The following GABRB2 variants were observed in gnomAD, a reference collection of about 807,000 sequenced individuals.
GABRB2 encodes gamma-aminobutyric acid receptor subunit beta-2.
GABRB2 carries 16 observed loss-of-function variants against 54.7 expected under a neutral mutation model. The observed-to-expected ratio is 0.29, with a 90% CI of 0.20 to 0.44. The LOEUF (loss-of-function observed/expected upper bound fraction) is 0.44, where lower values mean the gene tolerates loss of function less well. GABRB2 is among the 20% of genes least tolerant of loss of function. GABRB2 has a pLI of 1.00. For synonymous variants in GABRB2, 244 were observed against 233.8 expected (o/e 1.04, Z -0.40); for missense variants, 355 against 644.0 (o/e 0.55, Z 4.86).
At chr5:161,373,700 C>T (rs937235532) in intron 5 of GABRB2, among the ~76,000 whole-genome samples, 1 of 152,218 alleles carries the variant, frequency 6.6e-6, no homozygotes, top group East Asian at 1.9e-4. Flanking sequence ...ATTCCCAGCT[C>T]TAGCCTCTGT....
chr5:161,526,165 T>C (rs1241745013), intron 3 of GABRB2, among the ~76,000 whole-genome samples: 1 of 151,442 alleles, frequency 6.6e-6, no homozygotes, highest in East Asian at 1.9e-4. Flanking sequence ...TTGAACTTCA[T>C]GCACAACTAA....
intron 4 of GABRB2, among the ~76,000 whole-genome samples, chr5:161,456,896 A>G (rs140564036): frequency 6.6e-6 from 1 of 152,346 alleles, no homozygotes; most frequent in African/African-American, 2.4e-5. Context: ...AAAGTATTGT[A>G]GAATCAACTG....
chr5:161,521,298 T>C (rs1254223566), intron 3 of GABRB2, among the ~76,000 whole-genome samples: 2 of 151,970 alleles, frequency 1.3e-5, no homozygotes, highest in Non-Finnish European at 2.9e-5. Context: ...TTTTGTTACC[T>C]TGATTATACT....
chr5:161,482,332 G>T (rs192870675), intron 3 of GABRB2, among the ~76,000 whole-genome samples: 12 of 152,176 alleles, frequency 7.9e-5, no homozygotes, highest in African/African-American at 2.9e-4. Flanking sequence ...GTTTCATGTA[G>T]TAGGGGTGAT....
chr5:161,314,154 C>CT (rs1757957473), intron 9 of GABRB2, among the ~76,000 whole-genome samples: 1 of 152,232 alleles, frequency 6.6e-6, no homozygotes, highest in South Asian at 2.1e-4. Flanking sequence ...CTGAAATCCT[C>CT]TGTCACATGT....
intron 3 of GABRB2, among the ~76,000 whole-genome samples, chr5:161,540,838 CATTATT>C (rs573332908): frequency 2.0e-4 from 31 of 151,382 alleles, no homozygotes; most frequent in Non-Finnish European, 2.5e-4. Flanking sequence ...ATTGTAATCT[CATTATT>C]ATTATTATTA....
At chr5:161,362,390 T>C (rs1351448623) in intron 5 of GABRB2, among the ~76,000 whole-genome samples, 1 of 152,212 alleles carries the variant, frequency 6.6e-6, no homozygotes, top group Non-Finnish European at 1.5e-5. Flanking sequence ...TTTCATGATA[T>C]TGATTCTTCC....
intron 5 of GABRB2, among the ~76,000 whole-genome samples, chr5:161,363,535 T>A (rs1010692391): frequency 6.9e-6 from 1 of 145,104 alleles, no homozygotes; most frequent in Non-Finnish European, 1.6e-5. Flanking sequence ...AATAAAAAAA[T>A]TAATTTTTTT....
chr5:161,418,640 C>A (rs1177331789), intron 4 of GABRB2, among the ~76,000 whole-genome samples: 1 of 152,030 alleles, frequency 6.6e-6, no homozygotes, highest in African/African-American at 2.4e-5. Flanking sequence ...CAAAAATAGA[C>A]AAATGGGATT....
intron 7 of GABRB2, among the ~76,000 whole-genome samples, chr5:161,332,121 G>C (rs2617505): frequency 0.14 from 20,438 of 141,026 alleles, 1,524 homozygotes; most frequent in Non-Finnish European, 0.17. Context: ...AGCCGAGATT[G>C]CGCCACTGCA....
chr5:161,544,394 T>C (rs1039056798), intron 3 of GABRB2, among the ~76,000 whole-genome samples: 1 of 152,038 alleles, frequency 6.6e-6, no homozygotes, highest in South Asian at 2.1e-4. Context: ...CCCAAGTATG[T>C]GGGGGCGTCT....
intron 3 of GABRB2, among the ~76,000 whole-genome samples, chr5:161,515,497 AG>A (rs1759913262): frequency 6.6e-6 from 1 of 152,066 alleles, no homozygotes; most frequent in Non-Finnish European, 1.5e-5. Flanking sequence ...CACTTTAATT[AG>A]CTAAAAAGAA....
intron 9 of GABRB2, among the ~76,000 whole-genome samples, chr5:161,319,473 T>C (rs1432091862): frequency 6.7e-6 from 1 of 149,366 alleles, no homozygotes; most frequent in East Asian, 1.9e-4. Flanking sequence ...CTCATCTATA[T>C]GGAAAATGTT....
intron 3 of GABRB2, among the ~76,000 whole-genome samples, chr5:161,510,049 C>A (rs540390084): frequency 1.3e-5 from 2 of 151,816 alleles, no homozygotes; most frequent in African/African-American, 4.8e-5. Flanking sequence ...TGTTTTGATA[C>A]AGGCATGCAA....
chr5:161,349,262 C>A (rs1016579867), intron 5 of GABRB2, among the ~76,000 whole-genome samples: 11 of 151,520 alleles, frequency 7.3e-5, no homozygotes, highest in African/African-American at 1.5e-4. Context: ...TAAAAAAAAA[C>A]CCAAAACAAA....
intron 5 of GABRB2, among the ~76,000 whole-genome samples, chr5:161,392,643 G>C (rs143607155): frequency 5.3e-5 from 8 of 152,262 alleles, no homozygotes; most frequent in Non-Finnish European, 1.0e-4. Context: ...TGTCATTACT[G>C]ATAGTACTTT....
rs115337249 is a variant in GABRB2 at position 161,522,190 on chromosome 5, C to T, written c.237+23037G>A. 2.8e-3 allele frequency among the ~76,000 whole-genome samples: 427 copies of T among 151,764 alleles called. 2 individuals carry two copies. Among genetic ancestry groups the T allele is most frequent in the African/African-American group, 1.0e-2 (414 of 41,476 alleles). ...TAGCCTCATGTACATTTAATAGGCC[C>T]CTAGGTGTTATCACACATTTGAGAT... On this transcript the variant is annotated intron_variant, in intron 3 of 9. Coordinates refer to ENST00000393959, the MANE Select transcript of GABRB2 (RefSeq NM_001371727.1).
chr5:161,370,290 T>C (rs1333888726), intron 5 of GABRB2, among the ~76,000 whole-genome samples: 1 of 152,180 alleles, frequency 6.6e-6, no homozygotes, highest in East Asian at 1.9e-4. Context: ...GTCCTGTGCT[T>C]TTGTTAAGCA....
chr5:161,401,432 AG>A (rs1380980568), intron 5 of GABRB2, among the ~76,000 whole-genome samples: 3 of 152,214 alleles, frequency 2.0e-5, no homozygotes, highest in Non-Finnish European at 4.4e-5. Context: ...CATTCAGGGC[AG>A]GATTTCATTA....
Sources: gnomAD v4.1 joint callset for allele counts (sites outside exome capture counted in the v4.1 genomes callset) on GRCh38, gnomAD v4.1.1 for gene constraint, MANE v1.5 for transcripts, NCBI Gene and HGNC (gene_info 2026-07-23, HGNC 2026-07-21) for gene names.